FHIT: variants seen among roughly 807,000 people sequenced by gnomAD.
The protein encoded by FHIT is bis(5'-adenosyl)-triphosphatase.
A neutral mutation model predicts 17.9 loss-of-function variants in FHIT; 19 were observed. The observed-to-expected ratio is 1.06, with a 90% confidence interval of 0.74 to 1.56. FHIT has a LOEUF of 1.56. Ranked by LOEUF, FHIT falls within the 40% of genes most tolerant of loss-of-function variation. The pLI is 0.00. For synonymous variants in FHIT, 81 were observed against 69.7 expected (o/e 1.16, Z -0.81); for missense variants, 248 against 189.2 (o/e 1.31, Z -1.82).
At chr3:60,301,915 T>C (rs1462543409) in intron 5 of FHIT, among the ~76,000 whole-genome samples, 1 of 152,186 alleles carries the variant, frequency 6.6e-6, no homozygotes, top group East Asian at 1.9e-4. Context: ...ATGCTAAATA[T>C]ACATCCTGTC....
intron 3 of FHIT, among the ~76,000 whole-genome samples, chr3:60,840,693 T>C (rs1702698439): frequency 6.6e-6 from 1 of 152,250 alleles, no homozygotes; most frequent in Non-Finnish European, 1.5e-5. Flanking sequence ...TTTTTCTGTA[T>C]TGCCTTGAGG....
intron 2 of FHIT, among the ~76,000 whole-genome samples, chr3:61,195,211 C>A: frequency 6.6e-6 from 1 of 151,684 alleles, no homozygotes; most frequent in East Asian, 1.9e-4. Context: ...CAACAACCGG[C>A]TGAGCTGAAA....
At chr3:60,516,908 T>A (rs1447981) in intron 5 of FHIT, among the ~76,000 whole-genome samples, 1 of 151,948 alleles carries the variant, frequency 6.6e-6, no homozygotes, top group Non-Finnish European at 1.5e-5. Flanking sequence ...GAGAAATCAA[T>A]TGAGATACAA....
At chr3:60,394,509 A>T (rs1701356854) in intron 5 of FHIT, among the ~76,000 whole-genome samples, 1 of 152,174 alleles carries the variant, frequency 6.6e-6, no homozygotes, top group African/African-American at 2.4e-5. Context: ...TTGGCACAGA[A>T]GGGGAAAGGA....
chr3:60,296,352 TCAC>T (rs1209349327), intron 5 of FHIT, among the ~76,000 whole-genome samples: 1 of 152,116 alleles, frequency 6.6e-6, no homozygotes, highest in African/African-American at 2.4e-5. Context: ...TTTAGTGTTG[TCAC>T]CACTTGTCAC....
At chr3:60,363,470 G>A (rs559294940) in intron 5 of FHIT, among the ~76,000 whole-genome samples, 2 of 152,220 alleles carry the variant, frequency 1.3e-5, no homozygotes, top group African/African-American at 4.8e-5. Context: ...TGTATTAATT[G>A]CTTTATATGG....
intron 5 of FHIT, among the ~76,000 whole-genome samples, chr3:60,190,508 G>C (rs1226435693): frequency 6.6e-6 from 1 of 152,132 alleles, no homozygotes; most frequent in Admixed American, 6.5e-5. Flanking sequence ...CAGCACTTTA[G>C]GAGTCCAAAG....
chr3:60,283,688 T>C (rs1576419218), intron 5 of FHIT, among the ~76,000 whole-genome samples: 1 of 152,098 alleles, frequency 6.6e-6, no homozygotes, highest in Admixed American at 6.6e-5. Context: ...CTAACAATCA[T>C]GTAAGGCTGG....
chr3:61,183,077 G>A (rs1203297351), intron 2 of FHIT, among the ~76,000 whole-genome samples: 2 of 152,210 alleles, frequency 1.3e-5, no homozygotes, highest in African/African-American at 4.8e-5. Context: ...CCAATGTGGG[G>A]AGACACAGTA....
chr3:60,156,336 T>A (rs1048335256), intron 5 of FHIT, among the ~76,000 whole-genome samples: 1 of 147,678 alleles, frequency 6.8e-6, no homozygotes, highest in African/African-American at 2.5e-5. Context: ...GGTGACAGAG[T>A]GAGACTCTGT....
intron 5 of FHIT, among the ~76,000 whole-genome samples, chr3:60,233,777 G>A (rs893325863): frequency 3.3e-5 from 5 of 152,038 alleles, no homozygotes; most frequent in African/African-American, 7.2e-5. Flanking sequence ...TGCTGTTCTT[G>A]TGATAGTGAG....
chr3:61,150,839 T>A (rs1170188571), intron 2 of FHIT, among the ~76,000 whole-genome samples: 1 of 152,154 alleles, frequency 6.6e-6, no homozygotes, highest in Non-Finnish European at 1.5e-5. Context: ...TGCATTCTTA[T>A]CTGTCAAATG....
At chr3:60,331,186 A>G (rs971487925) in intron 5 of FHIT, among the ~76,000 whole-genome samples, 4 of 152,112 alleles carry the variant, frequency 2.6e-5, no homozygotes, top group Non-Finnish European at 4.4e-5. Flanking sequence ...TGTGTACATG[A>G]TGTTCATCCA....
chr3:60,009,224 T>C (rs1377504119), intron 7 of FHIT, among the ~76,000 whole-genome samples: 42 of 139,378 alleles, frequency 3.0e-4, no homozygotes, highest in African/African-American at 1.2e-3. Context: ...TGTGTGTGTG[T>C]GTGTGTATGG....
At chr3:61,099,314 C>T (rs747403335) in intron 2 of FHIT, among the ~76,000 whole-genome samples, 1 of 152,070 alleles carries the variant, frequency 6.6e-6, no homozygotes, top group African/African-American at 2.4e-5. Flanking sequence ...TTGCTGGATT[C>T]GGTTTGCTAG....
chr3:61,003,297 C>G (rs1559901567), intron 3 of FHIT, among the ~76,000 whole-genome samples: 1 of 152,304 alleles, frequency 6.6e-6, no homozygotes, highest in South Asian at 2.1e-4. Flanking sequence ...GCACGCCACA[C>G]TGTTATTCCT....
At chr3:60,069,143 T>C (rs1702649470) in intron 5 of FHIT, among the ~76,000 whole-genome samples, 1 of 152,186 alleles carries the variant, frequency 6.6e-6, no homozygotes, top group Non-Finnish European at 1.5e-5. Context: ...TAAAGGGATA[T>C]TAAGTCATGA....
intron 3 of FHIT, among the ~76,000 whole-genome samples, chr3:60,842,268 C>T (rs782441416): frequency 2.0e-5 from 3 of 151,874 alleles, no homozygotes; most frequent in Non-Finnish European, 4.4e-5. Context: ...ACCAACAGTC[C>T]CACTGTTATC....
At chr3:60,386,151 T>G (rs1351091516) in intron 5 of FHIT, among the ~76,000 whole-genome samples, 1 of 152,092 alleles carries the variant, frequency 6.6e-6, no homozygotes, top group East Asian at 1.9e-4. Context: ...GCCCCGGCAG[T>G]GTGGTTCCAT....
Sources: gnomAD v4.1 joint callset for allele counts (sites outside exome capture counted in the v4.1 genomes callset) on GRCh38, gnomAD v4.1.1 for gene constraint, MANE v1.5 for transcripts, NCBI Gene and HGNC (gene_info 2026-07-23, HGNC 2026-07-21) for gene names.